The following AHDC1 variants were observed in gnomAD, a reference collection of about 807,000 sequenced individuals.
AHDC1 encodes the protein AT-hook DNA binding motif containing 1.
A neutral mutation model predicts 87.9 loss-of-function variants in AHDC1; 7 were observed. That is an observed-to-expected ratio of 0.08 (90% CI 0.05 to 0.15). AHDC1 has a LOEUF of 0.15. Among genes scored for constraint, AHDC1 ranks in the 10% least tolerant of loss-of-function variants. The pLI, the probability that AHDC1 is intolerant of heterozygous loss-of-function variation, is 1.00. For missense variants in AHDC1, 1,841 were observed against 2,253.2 expected (o/e 0.82, Z 3.70); for synonymous variants, 1,051 against 1,006.8 (o/e 1.04, Z -0.83).
Position 27,548,568 on chromosome 1 carries a change from C to G in AHDC1, c.3548G>C (p.Arg1183Pro). Residue 1183 changes from arginine to proline, a missense_variant, in exon 8 of 9, where the codon CGG (arginine) becomes CCG (proline). By Grantham distance (103) the Arg-to-Pro change is moderately radical. Transcript: ENST00000673934. ...ACTTGAGGCCTCGCTGTTGGCACGC[C>G]GAAACCCCCCGCCACCAACCGGCTG... ...FNQPVGGGGF[R>P]RANSEASSSE... 1 of 1,613,542 alleles carries G rather than the reference C, an allele frequency of 6.2e-7. No individual in the cohort carries two copies. Among genetic ancestry groups the G allele is most frequent in the Non-Finnish European group, 8.5e-7 (1 of 1,180,000 alleles).
chr1:27,594,901 G>T (rs1334474454), intron 3 of AHDC1, among the ~76,000 whole-genome samples: 1 of 152,100 alleles, frequency 6.6e-6, no homozygotes, highest in African/African-American at 2.4e-5. Context: ...CTGTCTTTGT[G>T]TACAGGTGTG....
At chr1:27,582,285 T>G (rs1277552192) in intron 3 of AHDC1, among the ~76,000 whole-genome samples, 2 of 152,248 alleles carry the variant, frequency 1.3e-5, no homozygotes, top group Non-Finnish European at 2.9e-5. Flanking sequence ...GTCAGATTGT[T>G]GTCTTCAAGC....
chr1:27,550,303 C>T lies in AHDC1; in HGVS notation c.1813G>A (p.Ala605Thr), dbSNP rs2019464260. The T allele has an allele frequency of 1.9e-6, 3 of 1,613,988 alleles. No homozygotes were observed. Among genetic ancestry groups the T allele is most frequent in the South Asian group, 2.2e-5 (2 of 91,094 alleles). The change falls in exon 8 of 9, where the codon GCC becomes ACC. Residue 605 changes from alanine (A) to threonine (T), a missense_variant. By Grantham distance (58) the Ala-to-Thr change is moderately conservative. Coordinates refer to ENST00000673934, the MANE Select transcript of AHDC1 (RefSeq NM_001371928.1). ...ASPQPSYAAD[A>T]NDSKAEYSDV... is the part of the protein sequence containing the mutation. ...GAGTACTCGGCCTTGCTGTCGTTGG[C>T]GTCTGCTGCATAGGATGGCTGGGGA...
chr1:27,566,454 G>T (rs1201458609), intron 3 of AHDC1, among the ~76,000 whole-genome samples: 1 of 151,952 alleles, frequency 6.6e-6, no homozygotes, highest in Non-Finnish European at 1.5e-5. Context: ...ACGCACAGGG[G>T]GGAAGAGATG....
intron 3 of AHDC1, among the ~76,000 whole-genome samples, chr1:27,564,174 G>A (rs1233335239): frequency 6.6e-6 from 1 of 152,212 alleles, no homozygotes. Context: ...CCAGCCTGCT[G>A]GCCATAGTGG....
At chr1:27,573,870 G>A (rs1402478858) in intron 3 of AHDC1, among the ~76,000 whole-genome samples, 1 of 152,216 alleles carries the variant, frequency 6.6e-6, no homozygotes, top group Non-Finnish European at 1.5e-5. Context: ...AGGCTCACAA[G>A]AGGTAGGGTA....
chr1:27,538,168 G>A (rs1320660821), intron 8 of AHDC1, among the ~76,000 whole-genome samples: 2 of 152,000 alleles, frequency 1.3e-5, no homozygotes, highest in Non-Finnish European at 2.9e-5. Flanking sequence ...TTGGGAGGCC[G>A]AGGTGGGTGG....
chr1:27,541,566 G>A (rs1199985361), intron 8 of AHDC1, among the ~76,000 whole-genome samples: 1 of 149,892 alleles, frequency 6.7e-6, no homozygotes, highest in Non-Finnish European at 1.5e-5. Flanking sequence ...TGATCTGCCC[G>A]CCTCGGCCTC....
chr1:27,591,873 T>C (rs1409777632), intron 3 of AHDC1, among the ~76,000 whole-genome samples: 1 of 152,214 alleles, frequency 6.6e-6, no homozygotes, highest in East Asian at 1.9e-4. Flanking sequence ...CTTGGCACAG[T>C]GCCTGACACA....
chr1:27,589,839 C>T (rs1229126119), intron 3 of AHDC1, among the ~76,000 whole-genome samples: 1 of 152,186 alleles, frequency 6.6e-6, no homozygotes, highest in Non-Finnish European at 1.5e-5. Flanking sequence ...ACCAACCCTT[C>T]ACCCTCCGCC....
chr1:27,534,590 G>A lies in AHDC1; in HGVS notation c.*370C>T, dbSNP rs1434075779. ...ATAAATTTCTCAGTGCATACTTGCA[G>A]GGGCTCTGGACACCTCGGGGCCCCG... On this transcript the variant is annotated 3_prime_UTR_variant, in exon 9 of 9. Coordinates refer to ENST00000673934, the MANE Select transcript of AHDC1 (RefSeq NM_001371928.1). 1 of 151,614 alleles carries A rather than the reference G, an allele frequency of 6.6e-6. No homozygotes were observed. The highest frequency in any genetic ancestry group is 1.5e-5 in the Non-Finnish European group (1 of 67,924). The allele number at this position is 151,614 out of a possible 1,614,324, so 9.4% of individuals were successfully genotyped here.
At chr1:27,535,539 C>A (rs931971009) in intron 8 of AHDC1, among the ~76,000 whole-genome samples, 1 of 152,192 alleles carries the variant, frequency 6.6e-6, no homozygotes, top group African/African-American at 2.4e-5. Context: ...GGCAGGGCCT[C>A]AGCACACAGC....
intron 8 of AHDC1, among the ~76,000 whole-genome samples, chr1:27,542,580 C>G (rs986147171): frequency 6.6e-6 from 1 of 152,312 alleles, no homozygotes; most frequent in Non-Finnish European, 1.5e-5. Flanking sequence ...AAGGGCTTCA[C>G]GTGTAATCTC....
chr1:27,587,823 T>TG (rs1236486754), intron 3 of AHDC1, among the ~76,000 whole-genome samples: 1 of 152,182 alleles, frequency 6.6e-6, no homozygotes, highest in Non-Finnish European at 1.5e-5. Context: ...CGACGAACCT[T>TG]GCTCATAGAG....
At chr1:27,576,692 C>T (rs1391445856) in intron 3 of AHDC1, among the ~76,000 whole-genome samples, 2 of 152,204 alleles carry the variant, frequency 1.3e-5, no homozygotes, top group South Asian at 2.1e-4. Context: ...CCCTTTCAGG[C>T]AGTCCCTGGG....
Position 27,565,270 on chromosome 1 carries a change from G to A in AHDC1, c.-628-6387C>T, listed in dbSNP as rs2020269930. Among the ~76,000 whole-genome samples the A allele has an allele frequency of 6.6e-6, 1 of 151,672 alleles. No homozygotes were observed. Among genetic ancestry groups the A allele is most frequent in the East Asian group, 1.9e-4 (1 of 5,146 alleles). On this transcript the variant is annotated intron_variant, in intron 3 of 8. Coordinates refer to ENST00000673934, the MANE Select transcript of AHDC1 (RefSeq NM_001371928.1). This position sits in a 1 kb window ranked among gnomAD's most constrained non-coding sequence, Gnocchi z 4.6. ...CCCCCGCCTGGCCCCTTGGTGAGTAGTGCCCAGACCCCAGGATCCTAGAAC... is the reference window on the plus strand; with the variant it reads ...CCCCCGCCTGGCCCCTTGGTGAGTAATGCCCAGACCCCAGGATCCTAGAAC...
chr1:27,571,072 G>C (rs1183066712), intron 3 of AHDC1, among the ~76,000 whole-genome samples: 1 of 152,196 alleles, frequency 6.6e-6, no homozygotes, highest in Non-Finnish European at 1.5e-5. Context: ...CTTTCAGGAA[G>C]AAAAGGCAGG....
chr1:27,572,378 G>A (rs961639772), intron 3 of AHDC1, among the ~76,000 whole-genome samples: 11 of 152,046 alleles, frequency 7.2e-5, no homozygotes, highest in African/African-American at 2.2e-4. Flanking sequence ...AAGGGAAGAG[G>A]CACCCAAAAC....
chr1:27,538,627 A>G (rs552229358), intron 8 of AHDC1, among the ~76,000 whole-genome samples: 1 of 151,460 alleles, frequency 6.6e-6, no homozygotes, highest in East Asian at 2.0e-4. Flanking sequence ...AGATCCTCCC[A>G]TCTCAGCACC....
Sources: allele counts gnomAD v4.1 joint callset (sites outside exome capture counted in the v4.1 genomes callset), GRCh38; gene constraint gnomAD v4.1.1; non-coding constraint Gnocchi (gnomAD v3.1); transcripts MANE v1.5; gene names NCBI Gene and HGNC (gene_info 2026-07-23, HGNC 2026-07-21).